MAGED1: variants seen among roughly 807,000 people sequenced by gnomAD.
MAGED1 encodes MAGE family member D1.
In MAGED1, 3 loss-of-function variants were observed where a neutral mutation model predicts 54.1. That is an observed-to-expected ratio of 0.06 (90% CI 0.03 to 0.14). The LOEUF (loss-of-function observed/expected upper bound fraction) is 0.14. MAGED1 is among the 10% of genes least tolerant of loss of function. The probability of loss-of-function intolerance (pLI) is 1.00; values close to 1 mark genes in which losing one functional copy is unlikely to be tolerated. For missense variants in MAGED1, 485 were observed against 623.4 expected, an observed-to-expected ratio of 0.78 and a Z score of 2.36; for synonymous variants, 217 against 227.3, an observed-to-expected ratio of 0.95 and a Z score of 0.41.
upstream of MAGED1, among the ~76,000 whole-genome samples, chrX:51,893,354 G>T (rs1928524924): frequency 9.2e-6 from 1 of 108,556 alleles, no homozygotes; most frequent in South Asian, 4.2e-4. Context: ...GGGGCAAGGG[G>T]TGGGACCAAG....
At chrX:51,817,821 C>G (rs1925487733) in intron 1 of MAGED1, among the ~76,000 whole-genome samples, 1 of 112,295 alleles carries the variant, frequency 8.9e-6, no homozygotes, top group Non-Finnish European at 1.9e-5. Flanking sequence ...ATTTGCTAAA[C>G]TGAAGACCAT....
chrX:51,844,751 A>T (rs1926622386), intron 1 of MAGED1, among the ~76,000 whole-genome samples: 2 of 111,855 alleles, frequency 1.8e-5, no homozygotes, highest in Non-Finnish European at 3.8e-5. Flanking sequence ...TCCAGGATAG[A>T]TATCTGGAGG....
intron 1 of MAGED1, among the ~76,000 whole-genome samples, chrX:51,841,885 A>G (rs975298892): frequency 2.7e-5 from 3 of 111,555 alleles, no homozygotes; most frequent in Non-Finnish European, 3.8e-5. Context: ...CTCCAGCTTT[A>G]TTCTTTTGGC....
chrX:51,809,603 T>C (rs1340870678), intron 1 of MAGED1, among the ~76,000 whole-genome samples: 1 of 111,870 alleles, frequency 8.9e-6, no homozygotes, highest in Non-Finnish European at 1.9e-5. Flanking sequence ...ATTTTGATTA[T>C]TTTTTAAGAG....
chrX:51,871,789 T>C (rs1324548146), intron 1 of MAGED1, among the ~76,000 whole-genome samples: 26 of 111,657 alleles, frequency 2.3e-4, no homozygotes, highest in African/African-American at 8.1e-4. Context: ...AGTATATACC[T>C]AGTAATGGGA....
intron 10 of MAGED1, chrX:51,899,433 C>T (rs1167292535): frequency 3.7e-5 from 4 of 109,557 alleles, no homozygotes; most frequent in African/African-American, 1.0e-4. Flanking sequence ...GCGACCGTAC[C>T]GGGCGAATTC....
chrX:51,893,319 C>T (rs900008201), upstream of MAGED1, among the ~76,000 whole-genome samples: 7 of 89,088 alleles, frequency 7.9e-5, no homozygotes, highest in East Asian at 2.3e-3. Flanking sequence ...AGACGCATTG[C>T]GGAAAAGGTA....
chrX:51,828,583 A>G (rs930857211), intron 1 of MAGED1, among the ~76,000 whole-genome samples: 7 of 110,164 alleles, frequency 6.4e-5, no homozygotes, highest in Non-Finnish European at 1.3e-4. Context: ...TGTCTCTCCA[A>G]ATGTTCAAGT....
chrX:51,870,397 G>GT (rs1265616243), intron 1 of MAGED1, among the ~76,000 whole-genome samples: 3 of 111,428 alleles, frequency 2.7e-5, no homozygotes, highest in East Asian at 2.8e-4. Context: ...ATAATGTGAA[G>GT]TTTTTTTTGT....
intron 1 of MAGED1, among the ~76,000 whole-genome samples, chrX:51,829,037 T>C (rs1925962292): frequency 9.0e-6 from 1 of 111,178 alleles, no homozygotes; most frequent in African/African-American, 3.3e-5. Context: ...AAAGAGAATA[T>C]GTAGAAAGAG....
At position 51,879,061 on chromosome X, in the gene MAGED1, C is replaced by A. The variant is rs190161186; in HGVS notation, c.-36-15208C>A. ...ATTTGCATGTAATAACTTATTCCAT[C>A]CATTTATTTTCATCTTTGCTGTATC... On this transcript the variant is annotated intron_variant, in intron 1 of 12. Coordinates refer to the MAGED1 transcript ENST00000375772. Among the ~76,000 whole-genome samples the A allele has an allele frequency of 1.6e-4, 18 of 111,915 alleles. No homozygotes were observed. The Admixed American group carries it at 1.6e-3, about 10-fold the overall frequency.
chrX:51,811,951 A>T (rs1925234216), intron 1 of MAGED1, among the ~76,000 whole-genome samples: 1 of 110,794 alleles, frequency 9.0e-6, no homozygotes, highest in Non-Finnish European at 1.9e-5. Context: ...ACTGATGACT[A>T]GCTGGATAAT....
intron 1 of MAGED1, among the ~76,000 whole-genome samples, chrX:51,806,015 C>G (rs1203414007): frequency 1.2e-5 from 1 of 86,803 alleles, no homozygotes; most frequent in East Asian, 4.0e-4. Flanking sequence ...GCTCTGTCCC[C>G]CAGGCTGGAG....
Position 51,807,240 on chromosome X carries a change from A to G in MAGED1, c.-37+4123A>G, listed in dbSNP as rs781932317. Among the ~76,000 whole-genome samples the G allele has an allele frequency of 1.9e-4, 21 of 111,503 alleles. 1 individual carries two copies. In the East Asian group the frequency reaches 5.7e-3, roughly 30 times the overall value. On this transcript the variant is annotated intron_variant, in intron 1 of 12. Coordinates refer to the MAGED1 transcript ENST00000375772. ...TTCCATAAGTTTGTTAGTCTTTTGG[A>G]TATTTTTTATGAGGTGCCTGTTCAA...
intron 1 of MAGED1, among the ~76,000 whole-genome samples, chrX:51,852,419 C>T (rs1557359846): frequency 8.9e-6 from 1 of 112,198 alleles, no homozygotes; most frequent in African/African-American, 3.2e-5. Flanking sequence ...CTTACCACAC[C>T]AGGTTAATGA....
chrX:51,893,474 C>A (rs1202576738), upstream of MAGED1: 13 of 113,678 alleles, frequency 1.1e-4, no homozygotes, highest in Admixed American at 1.2e-3. Flanking sequence ...GGCGGGACCG[C>A]CTTCCAGCGC....
chrX:51,864,306 T>C (rs1307688929), intron 1 of MAGED1, among the ~76,000 whole-genome samples: 1 of 111,503 alleles, frequency 9.0e-6, no homozygotes, highest in Non-Finnish European at 1.9e-5. Context: ...CCACATTATG[T>C]ATTCTTGATG....
chrX:51,846,543 C>T (rs1467985697), intron 1 of MAGED1, among the ~76,000 whole-genome samples: 6 of 111,672 alleles, frequency 5.4e-5, no homozygotes, highest in Non-Finnish European at 9.4e-5. Context: ...AGTTCATTCT[C>T]GCACTGGTAT....
rs782221687 is a variant in MAGED1, at chrX:51,865,827, G to A, written c.-36-28442G>A. 1.2e-4 allele frequency among the ~76,000 whole-genome samples: 13 copies of A among 111,370 alleles called. No individual in the cohort carries two copies. In the East Asian group the frequency reaches 3.4e-3, roughly 29 times the overall value. The stretch of plus-strand genomic sequence containing the variant: ...TGGTGGGAGGTAATTGGATCAAGAG[G>A]GCAGATTTCCCCCTTGCTGTTCTCA... On this transcript the variant is annotated intron_variant, in intron 1 of 12. Transcript: ENST00000375772.
Sources: allele counts gnomAD v4.1 joint callset (sites outside exome capture counted in the v4.1 genomes callset), GRCh38; gene constraint gnomAD v4.1.1; transcripts MANE v1.5; gene names NCBI Gene and HGNC (gene_info 2026-07-23, HGNC 2026-07-21).